Variants in PTPRD observed in about 807,000 individuals in gnomAD.
The protein encoded by PTPRD is receptor-type tyrosine-protein phosphatase delta.
PTPRD carries 34 observed loss-of-function variants against 214.5 expected under a neutral mutation model. The observed-to-expected ratio is 0.16, with a 90% confidence interval of 0.12 to 0.21. The LOEUF is 0.21. Ranked by LOEUF, PTPRD falls within the 10% of genes least tolerant of loss-of-function variation. PTPRD has a pLI of 1.00. For synonymous variants in PTPRD, 1,128 were observed against 845.7 expected (o/e 1.33, Z -5.79); for missense variants, 2,545 against 2,398.7 (o/e 1.06, Z -1.27).
At chr9:10,387,900 C>A (rs77920064) in intron 2 of PTPRD, among the ~76,000 whole-genome samples, 9,009 of 135,976 alleles carry the variant, frequency 0.066, 464 homozygotes, top group African/African-American at 0.14. Flanking sequence ...GGCTCAAGCA[C>A]TCTGCCTGCC....
intron 3 of PTPRD, among the ~76,000 whole-genome samples, chr9:10,148,003 TTGTTTCTTTGGAGATATCCAAAAG>T (rs2099035624): frequency 6.6e-6 from 1 of 152,218 alleles, no homozygotes; most frequent in East Asian, 1.9e-4. Context: ...GATCCACGTT[TTGTTTCTTTGGAGATATCCAAAAG>T]TCAAGAGAAA....
intron 11 of PTPRD, among the ~76,000 whole-genome samples, chr9:8,940,004 T>G (rs1022461181): frequency 6.6e-6 from 1 of 151,738 alleles, no homozygotes; most frequent in African/African-American, 2.4e-5. Flanking sequence ...AAAATTAGAA[T>G]AGGTTCAAAT....
intron 11 of PTPRD, among the ~76,000 whole-genome samples, chr9:8,811,348 C>G (rs1020653508): frequency 3.9e-5 from 6 of 152,018 alleles, no homozygotes; most frequent in African/African-American, 1.4e-4. Context: ...CATTGACCCC[C>G]CTAGGCTATG....
chr9:9,041,694 C>T (rs964679389), intron 10 of PTPRD, among the ~76,000 whole-genome samples: 2 of 152,152 alleles, frequency 1.3e-5, no homozygotes, highest in African/African-American at 2.4e-5. Flanking sequence ...GAAAATTCTA[C>T]TCACAGAAAG....
intron 11 of PTPRD, among the ~76,000 whole-genome samples, chr9:8,980,177 A>G (rs1312917499): frequency 6.6e-6 from 1 of 152,094 alleles, no homozygotes; most frequent in African/African-American, 2.4e-5. Flanking sequence ...TTTTTTAAAA[A>G]AAGAAGTCAA....
At chr9:9,868,861 T>C (rs956471558) in intron 5 of PTPRD, among the ~76,000 whole-genome samples, 2 of 152,096 alleles carry the variant, frequency 1.3e-5, no homozygotes, top group African/African-American at 2.4e-5. Context: ...GAGAAACTTC[T>C]ACAAACTCCT....
At chr9:10,426,884 G>C (rs2098625703) in intron 2 of PTPRD, among the ~76,000 whole-genome samples, 1 of 151,984 alleles carries the variant, frequency 6.6e-6, no homozygotes, top group Admixed American at 6.6e-5. Flanking sequence ...CACTGTTTCT[G>C]AATCTTCCAA....
intron 3 of PTPRD, among the ~76,000 whole-genome samples, chr9:10,247,461 T>C (rs886275026): frequency 2.0e-5 from 3 of 152,196 alleles, no homozygotes; most frequent in African/African-American, 7.2e-5. Flanking sequence ...CTTTTAAACA[T>C]GTTTTAGTGG....
intron 7 of PTPRD, among the ~76,000 whole-genome samples, chr9:9,733,996 A>G (rs1241393945): frequency 6.6e-5 from 10 of 152,184 alleles, no homozygotes; most frequent in South Asian, 4.1e-4. Context: ...CATCCCTGTA[A>G]TGCATGTCCC....
At chr9:10,077,885 T>C (rs1446460800) in intron 3 of PTPRD, among the ~76,000 whole-genome samples, 1 of 152,068 alleles carries the variant, frequency 6.6e-6, no homozygotes, top group Non-Finnish European at 1.5e-5. Flanking sequence ...AATAGCCTTC[T>C]CTGTTCATTC....
chr9:8,702,609 G>A (rs921526679), intron 12 of PTPRD, among the ~76,000 whole-genome samples: 2 of 152,116 alleles, frequency 1.3e-5, no homozygotes, highest in African/African-American at 4.8e-5. Context: ...CAATATAAGA[G>A]GTGCAATTTT....
intron 2 of PTPRD, among the ~76,000 whole-genome samples, chr9:10,587,690 C>T (rs1394252430): frequency 6.6e-6 from 1 of 152,040 alleles, no homozygotes; most frequent in African/African-American, 2.4e-5. Flanking sequence ...CTGGTTTATA[C>T]CTGCTCACTT....
At chr9:8,364,358 C>A (rs140196111) in intron 39 of PTPRD, among the ~76,000 whole-genome samples, 147 of 152,326 alleles carry the variant, frequency 9.7e-4, no homozygotes, top group African/African-American at 3.4e-3. Flanking sequence ...GTTTTTATTT[C>A]GGTTCCAGCA....
At chr9:10,049,989 T>C (rs534054119) in intron 3 of PTPRD, among the ~76,000 whole-genome samples, 6 of 152,302 alleles carry the variant, frequency 3.9e-5, no homozygotes, top group African/African-American at 1.4e-4. Context: ...TTTTATGTGC[T>C]TATTTACTTT....
chr9:9,671,669 A>T (rs952818113), intron 7 of PTPRD, among the ~76,000 whole-genome samples: 8 of 152,100 alleles, frequency 5.3e-5, no homozygotes, highest in African/African-American at 1.4e-4. Flanking sequence ...GTAGTGAATA[A>T]ATCTCACAAG....
chr9:8,990,380 G>A (rs111237927), intron 11 of PTPRD, among the ~76,000 whole-genome samples: 4,194 of 152,212 alleles, frequency 0.028, 90 homozygotes, highest in Middle Eastern at 0.054. Flanking sequence ...TGCTTGTACC[G>A]AACATGTAAT....
At chr9:8,785,090 A>G (rs537056049) in intron 11 of PTPRD, among the ~76,000 whole-genome samples, 1 of 152,306 alleles carries the variant, frequency 6.6e-6, no homozygotes, top group African/African-American at 2.4e-5. Flanking sequence ...CTCCTTATGA[A>G]GCTGTTCAAT....
At chr9:8,421,538 C>T (rs778516069) in intron 35 of PTPRD, among the ~76,000 whole-genome samples, 214 of 152,210 alleles carry the variant, frequency 1.4e-3, no homozygotes, top group Non-Finnish European at 2.3e-3. Flanking sequence ...TAATCCCTTG[C>T]AATGCCATGG....
intron 10 of PTPRD, among the ~76,000 whole-genome samples, chr9:9,111,206 T>C (rs1222255398): frequency 1.1e-5 from 1 of 94,384 alleles, no homozygotes; most frequent in Non-Finnish European, 2.2e-5. Flanking sequence ...ATTCATTAGA[T>C]AAAGAAAAAA....
Sources: gnomAD v4.1 joint callset for allele counts (sites outside exome capture counted in the v4.1 genomes callset) on GRCh38, gnomAD v4.1.1 for gene constraint, MANE v1.5 for transcripts, NCBI Gene and HGNC (gene_info 2026-07-23, HGNC 2026-07-21) for gene names.